The following KCNJ4 variants were observed in gnomAD, a reference collection of about 807,000 sequenced individuals.
KCNJ4 encodes the protein potassium inwardly rectifying channel subfamily J member 4, also known as inward rectifier potassium channel 4.
Under a neutral mutation model 25.6 loss-of-function variants are expected in KCNJ4, and 3 were observed. The ratio of observed to expected loss-of-function variants is 0.12; its 90% confidence interval spans 0.05 to 0.30. The LOEUF is 0.30. KCNJ4 is among the 10% of genes least tolerant of loss of function. The pLI, the probability that KCNJ4 is intolerant of heterozygous loss-of-function variation, is 1.00. For synonymous variants in KCNJ4, 257 were observed against 283.9 expected, an observed-to-expected ratio of 0.91 and a Z score of 0.95; for missense variants, 286 against 666.8, an observed-to-expected ratio of 0.43 and a Z score of 6.29.
chr22:38,426,917 C>T lies in KCNJ4; in HGVS notation c.1216G>A (p.Gly406Ser), dbSNP rs1371588235. Residue 406 changes from glycine (G) to serine (S), a missense_variant, in exon 2 of 2, where the codon GGT (glycine) becomes AGT (serine). By Grantham distance (56) the Gly-to-Ser change is moderately conservative. This residue lies in a region of KCNJ4 where 77 missense variants were observed against 97.6 expected (regional missense o/e 0.79). Transcript: ENST00000303592. ...ATGATGCCCGCCTCCTCCTTGGAACCCGCCTCCAGGCCCAGGCCTGCGGCC... is the reference window on the plus strand; with the variant it reads ...ATGATGCCCGCCTCCTCCTTGGAACTCGCCTCCAGGCCCAGGCCTGCGGCC... The part of the protein sequence containing the change: ...AVAAGLGLEA[G>S]SKEEAGIIRM... The T allele has an allele frequency of 6.2e-7, 1 of 1,612,866 alleles. No homozygotes were observed. The highest frequency in any genetic ancestry group is 1.1e-5 in the South Asian group (1 of 91,074).
At position 38,426,621 on chromosome 22, in the gene KCNJ4, G is replaced by A; in HGVS notation, c.*174C>T. The A allele has an allele frequency of 1.2e-6, 1 of 813,330 alleles. No homozygotes were observed. The highest frequency in any genetic ancestry group is 1.8e-5 in the South Asian group (1 of 56,154). The allele number at this position is 813,330 out of a possible 1,614,324, so 50.4% of individuals were successfully genotyped here. On this transcript the variant is annotated 3_prime_UTR_variant, in exon 2 of 2. Coordinates refer to ENST00000303592, the MANE Select transcript of KCNJ4 (RefSeq NM_152868.3). ...GCTGATCGGGGCCGAGCTCTTCCCAGGCCTGGGTGCTGGAGTCAGGAGGAA... is the reference window on the plus strand; with the variant it reads ...GCTGATCGGGGCCGAGCTCTTCCCAAGCCTGGGTGCTGGAGTCAGGAGGAA...
chr22:38,447,866 C>T (rs950956214), intron 1 of KCNJ4, among the ~76,000 whole-genome samples: 1 of 151,942 alleles, frequency 6.6e-6, no homozygotes, highest in Non-Finnish European at 1.5e-5. Flanking sequence ...GAGTTCAAGA[C>T]CAGCCTGACC....
intron 1 of KCNJ4, among the ~76,000 whole-genome samples, chr22:38,439,171 G>A (rs1185311326): frequency 1.3e-5 from 2 of 152,112 alleles, no homozygotes; most frequent in East Asian, 1.9e-4. Context: ...TTGGACCTGT[G>A]AGGTGCAATC....
chr22:38,429,511 A>T (rs1271335917), intron 1 of KCNJ4, among the ~76,000 whole-genome samples: 3 of 152,204 alleles, frequency 2.0e-5, no homozygotes, highest in African/African-American at 7.2e-5. Context: ...CATGGGCACC[A>T]AAACTCCCTA....
At chr22:38,431,678 C>T (rs2093050177) in intron 1 of KCNJ4, among the ~76,000 whole-genome samples, 1 of 152,226 alleles carries the variant, frequency 6.6e-6, no homozygotes, top group Admixed American at 6.5e-5. Flanking sequence ...CCTTGGTCTG[C>T]AGTGACTTGC....
intron 1 of KCNJ4, among the ~76,000 whole-genome samples, chr22:38,433,204 T>C (rs1193457581): frequency 6.6e-6 from 1 of 152,136 alleles, no homozygotes; most frequent in Non-Finnish European, 1.5e-5. Context: ...TCCCAGCACT[T>C]TGGGAGGCCA....
chr22:38,436,261 G>C (rs1290790396), intron 1 of KCNJ4, among the ~76,000 whole-genome samples: 2 of 152,188 alleles, frequency 1.3e-5, no homozygotes, highest in Non-Finnish European at 2.9e-5. Flanking sequence ...TTTACTCAAG[G>C]CTGAACATTG....
At chr22:38,453,686 G>A (rs1052463990) in intron 1 of KCNJ4, among the ~76,000 whole-genome samples, 7 of 152,174 alleles carry the variant, frequency 4.6e-5, no homozygotes, top group Non-Finnish European at 8.8e-5. Flanking sequence ...GGAAGATGAC[G>A]GTTGGGAGGA....
intron 1 of KCNJ4, among the ~76,000 whole-genome samples, chr22:38,437,521 G>C (rs2093068741): frequency 6.6e-6 from 1 of 152,236 alleles, no homozygotes. Flanking sequence ...CAGTTACTAT[G>C]GACTGCACGC....
chr22:38,431,658 C>T (rs1306554415), intron 1 of KCNJ4, among the ~76,000 whole-genome samples: 1 of 152,214 alleles, frequency 6.6e-6, no homozygotes. Context: ...CATCCCATCC[C>T]CCTGAAAACC....
chr22:38,428,257 A>G, intron 1 of KCNJ4, 86 bp from the exon 2 acceptor site: 1 of 1,268,434 alleles, frequency 7.9e-7, no homozygotes, highest in Non-Finnish European at 1.1e-6. Flanking sequence ...AGACTCTCAG[A>G]AGCAGGTGAG....
intron 1 of KCNJ4, among the ~76,000 whole-genome samples, chr22:38,436,166 G>A (rs529869421): frequency 6.6e-6 from 1 of 152,306 alleles, no homozygotes; most frequent in South Asian, 2.1e-4. Context: ...TAATAATAGA[G>A]CAGACTTCCT....
intron 1 of KCNJ4, among the ~76,000 whole-genome samples, chr22:38,440,806 G>T (rs1218492790): frequency 6.6e-6 from 1 of 152,204 alleles, no homozygotes; most frequent in Non-Finnish European, 1.5e-5. Flanking sequence ...GTGGAAGGGG[G>T]TTGTCGAGAG....
At chr22:38,432,407 A>G (rs1388561963) in intron 1 of KCNJ4, among the ~76,000 whole-genome samples, 2 of 152,224 alleles carry the variant, frequency 1.3e-5, no homozygotes, top group Non-Finnish European at 2.9e-5. Flanking sequence ...TGGAATGTGC[A>G]CTAGAAGAAT....
intron 1 of KCNJ4, among the ~76,000 whole-genome samples, chr22:38,438,577 TA>T (rs1325124703): frequency 1.5e-5 from 2 of 137,384 alleles, no homozygotes; most frequent in Non-Finnish European, 3.0e-5. Flanking sequence ...TACTCCCAGC[TA>T]CCCGGGAGGC....
chr22:38,428,342 T>C (rs530223621), intron 1 of KCNJ4, among the ~76,000 whole-genome samples, 171 bp from the exon 2 acceptor site: 1 of 152,272 alleles, frequency 6.6e-6, no homozygotes, highest in South Asian at 2.1e-4. Flanking sequence ...GATGACAGGG[T>C]CTGAGCCAGT....
At position 38,434,660 on chromosome 22, in the gene KCNJ4, C is replaced by T. The variant is rs552379475; in HGVS notation, c.-39-6489G>A. On this transcript the variant is annotated intron_variant, in intron 1 of 1. Coordinates refer to ENST00000303592, the MANE Select transcript of KCNJ4 (RefSeq NM_152868.3). Reference sequence around the variant, plus strand: ...GCTCAACCTGGGACCCCCAGGCTCTCCCCATCCCTCCAGACCTACCCTGAG... The same window carrying T: ...GCTCAACCTGGGACCCCCAGGCTCTTCCCATCCCTCCAGACCTACCCTGAG... Among the ~76,000 whole-genome samples, 7 of 152,266 alleles carry T rather than the reference C, an allele frequency of 4.6e-5. No individual in the cohort carries two copies. The East Asian group carries it at 1.4e-3, about 29-fold the overall frequency.
intron 1 of KCNJ4, among the ~76,000 whole-genome samples, chr22:38,448,418 C>T (rs562768804): frequency 7.7e-4 from 118 of 152,260 alleles, no homozygotes; most frequent in African/African-American, 2.8e-3. Flanking sequence ...GGACAGTGGC[C>T]TAGTCAAGGT....
Position 38,451,282 on chromosome 22 carries a change from G to C in KCNJ4, c.-40+3698C>G, listed in dbSNP as rs78727682. Among the ~76,000 whole-genome samples the C allele has an allele frequency of 7.6e-3, 1,162 of 152,198 alleles. 16 individuals carry two copies. Among genetic ancestry groups the C allele is most frequent in the African/African-American group, 0.027 (1,114 of 41,504 alleles). On this transcript the variant is annotated intron_variant, in intron 1 of 1. Coordinates refer to ENST00000303592, the MANE Select transcript of KCNJ4 (RefSeq NM_152868.3). ...GGCAGGTGCTCATCTGGCTCTGCTT[G>C]AATACCTCTAGGATTGAGGAGCCCA... is the stretch of plus-strand genomic sequence containing the variant.
Sources: allele counts gnomAD v4.1 joint callset (sites outside exome capture counted in the v4.1 genomes callset), GRCh38; gene constraint gnomAD v4.1.1; regional missense constraint gnomAD v4.1.1; transcripts MANE v1.5; gene names NCBI Gene and HGNC (gene_info 2026-07-23, HGNC 2026-07-21).